DAP3: variants seen among roughly 807,000 people sequenced by gnomAD.
DAP3 encodes the protein small ribosomal subunit protein mS29.
In DAP3, 28 loss-of-function variants were observed where a neutral mutation model predicts 51.9. The ratio of observed to expected loss-of-function variants is 0.54; its 90% CI spans 0.40 to 0.74. The LOEUF (loss-of-function observed/expected upper bound fraction) is 0.74. Ranked by LOEUF, DAP3 falls within the 30% of genes least tolerant of loss-of-function variation. The pLI is 0.00. For missense variants in DAP3, 458 were observed against 483.5 expected (o/e 0.95, Z 0.49); for synonymous variants, 170 against 170.3 (o/e 1.00, Z 0.01).
chr1:155,724,151 C>T (rs978255079), intron 4 of DAP3, among the ~76,000 whole-genome samples: 14 of 151,928 alleles, frequency 9.2e-5, no homozygotes, highest in African/African-American at 2.7e-4. Flanking sequence ...CAGTTTCACA[C>T]ACATTAGTAC....
chr1:155,727,287 A>C (rs934333663), intron 6 of DAP3, among the ~76,000 whole-genome samples: 1 of 151,960 alleles, frequency 6.6e-6, no homozygotes, highest in African/African-American at 2.4e-5. Flanking sequence ...GGTATGTTTT[A>C]TATATTGATT....
intron 3 of DAP3, among the ~76,000 whole-genome samples, 172 bp downstream of exon 3, chr1:155,717,300 C>G (rs1657454646): frequency 1.3e-5 from 2 of 152,176 alleles, no homozygotes; most frequent in Non-Finnish European, 1.5e-5. Context: ...CTGTCTGATA[C>G]TGTGGTAACA....
intron 1 of DAP3, among the ~76,000 whole-genome samples, chr1:155,691,878 G>A (rs1339451280): frequency 7.1e-6 from 1 of 141,322 alleles, no homozygotes; most frequent in African/African-American, 3.2e-5. Flanking sequence ...AAGTCCGGTG[G>A]CGACAAAGGA....
chr1:155,735,494 T>G (rs1659679272), intron 11 of DAP3, among the ~76,000 whole-genome samples: 2 of 151,950 alleles, frequency 1.3e-5, no homozygotes, highest in East Asian at 1.9e-4. Flanking sequence ...GGAGAATCGC[T>G]TGAACCCAGG....
intron 1 of DAP3, among the ~76,000 whole-genome samples, chr1:155,708,362 C>A (rs1471070081): frequency 6.6e-6 from 1 of 151,928 alleles, no homozygotes; most frequent in Non-Finnish European, 1.5e-5. Context: ...TTTGTTTGTA[C>A]ATTTTCAACT....
intron 9 of DAP3, among the ~76,000 whole-genome samples, chr1:155,730,186 TATA>T (rs1165614737): frequency 1.4e-5 from 2 of 147,956 alleles, no homozygotes; most frequent in Admixed American, 6.8e-5. Flanking sequence ...TATATGTATA[TATA>T]ATATTCATAT....
intron 11 of DAP3, among the ~76,000 whole-genome samples, chr1:155,734,668 C>T (rs1659579533): frequency 6.6e-6 from 1 of 152,116 alleles, no homozygotes; most frequent in Non-Finnish European, 1.5e-5. Context: ...GTCCTTTCTC[C>T]TAGGCCCTCA....
intron 11 of DAP3, 40 bp downstream of exon 11, chr1:155,732,073 T>C (rs745485760): frequency 2.6e-6 from 4 of 1,518,452 alleles, no homozygotes; most frequent in Non-Finnish European, 2.7e-6. Context: ...TAGATTGTTA[T>C]CCTGTTTAAA....
chr1:155,718,701 AAGAAAGAT>A (rs1657620306), intron 3 of DAP3, among the ~76,000 whole-genome samples: 4 of 134,262 alleles, frequency 3.0e-5, no homozygotes, highest in Non-Finnish European at 6.6e-5. Flanking sequence ...AAAAAAAAGA[AAGAAAGAT>A]AGATAGATAG....
chr1:155,726,587 C>T (rs971233030), intron 6 of DAP3, among the ~76,000 whole-genome samples: 7 of 151,822 alleles, frequency 4.6e-5, no homozygotes, highest in South Asian at 2.1e-4. Flanking sequence ...CCATTGCACC[C>T]GGCCTCAGCT....
At chr1:155,707,524 C>T (rs994289429) in intron 1 of DAP3, among the ~76,000 whole-genome samples, 2 of 151,970 alleles carry the variant, frequency 1.3e-5, no homozygotes, top group African/African-American at 2.4e-5. Flanking sequence ...TATTTTAAAC[C>T]TCTTAGCTCC....
intron 7 of DAP3, among the ~76,000 whole-genome samples, chr1:155,727,994 G>A (rs1323619483): frequency 6.6e-6 from 1 of 151,838 alleles, no homozygotes; most frequent in African/African-American, 2.4e-5. Flanking sequence ...ACTTTTCAAG[G>A]TACAGCCTCC....
At chr1:155,731,446 G>A (rs2149199320) in intron 10 of DAP3, 31 bp downstream of exon 10, 2 of 1,594,272 alleles carry the variant, frequency 1.3e-6, no homozygotes, top group East Asian at 4.5e-5. Flanking sequence ...ACACATTTCA[G>A]AAAGAAATGT....
chr1:155,736,442 G>C (rs1008953188), intron 11 of DAP3, among the ~76,000 whole-genome samples: 2 of 151,976 alleles, frequency 1.3e-5, no homozygotes, highest in African/African-American at 4.8e-5. Context: ...GTGTAGACAT[G>C]GTCTTACTCT....
At chr1:155,718,937 C>T (rs1186920583) in intron 3 of DAP3, among the ~76,000 whole-genome samples, 2 of 152,196 alleles carry the variant, frequency 1.3e-5, no homozygotes, top group African/African-American at 4.8e-5. Flanking sequence ...TGTCACATGA[C>T]TGGAGCATCT....
At chr1:155,700,878 T>G in intron 1 of DAP3, among the ~76,000 whole-genome samples, 1 of 11,878 alleles carries the variant, frequency 8.4e-5, no homozygotes, top group Admixed American at 8.2e-4. Context: ...GGTGGGGGGG[T>G]CAGCCCTCCG....
chr1:155,729,027 TTTGC>T lies in DAP3; in HGVS notation c.604-8_604-5del. 1 of 1,610,436 alleles carries T rather than the reference TTTGC, an allele frequency of 6.2e-7. No individual in the cohort carries two copies. The highest frequency in any genetic ancestry group is 8.5e-7 in the Non-Finnish European group (1 of 1,179,210). On this transcript the variant is annotated splice_polypyrimidine_tract_variant and intron_variant, in intron 7 of 12. Coordinates refer to ENST00000368336, the MANE Select transcript of DAP3 (RefSeq NM_004632.4). ...AGCCTTTTTTTTGGTTTTTATTTTC[TTTGC>T]TTGCTTTTAGATAAAAGTTCAAGAG...
At chr1:155,690,654 C>T (rs754218810) in intron 1 of DAP3, among the ~76,000 whole-genome samples, 1 of 142,290 alleles carries the variant, frequency 7.0e-6, no homozygotes, top group Admixed American at 6.6e-5. Context: ...GTACCATGGT[C>T]ATATGTATGT....
At chr1:155,709,885 T>A in intron 2 of DAP3, 61 bp downstream of exon 2, 1 of 1,518,138 alleles carries the variant, frequency 6.6e-7, no homozygotes, top group Non-Finnish European at 9.1e-7. Flanking sequence ...AGATTCTTGT[T>A]TTCAGATGGA....
Sources: gnomAD v4.1 joint callset for allele counts (sites outside exome capture counted in the v4.1 genomes callset) on GRCh38, gnomAD v4.1.1 for gene constraint, MANE v1.5 for transcripts, NCBI Gene and HGNC (gene_info 2026-07-23, HGNC 2026-07-21) for gene names.